Variants in MAN2B2 observed in about 807,000 individuals in gnomAD.
MAN2B2 encodes mannosidase alpha class 2B member 2, also known as epididymis-specific alpha-mannosidase.
Under a neutral mutation model 117.1 loss-of-function variants are expected in MAN2B2, and 106 were observed. The ratio of observed to expected loss-of-function variants is 0.90; its 90% CI spans 0.77 to 1.06. The LOEUF is 1.06. Among genes scored for constraint, MAN2B2 ranks in the 50% least tolerant of loss-of-function variants. MAN2B2 has a pLI of 0.00. For missense variants in MAN2B2, 1,326 were observed against 1,381.4 expected (o/e 0.96, Z 0.64); for synonymous variants, 544 against 595.1 (o/e 0.91, Z 1.25).
At chr4:6,610,657 G>A (rs11940165) in intron 13 of MAN2B2, among the ~76,000 whole-genome samples, 33,132 of 152,134 alleles carry the variant, frequency 0.22, 3,868 homozygotes, top group African/African-American at 0.29. Flanking sequence ...ATGATGCGTG[G>A]CCAGGGCTTG....
chr4:6,580,402 G>C (rs1406792761), intron 3 of MAN2B2, among the ~76,000 whole-genome samples: 1 of 152,206 alleles, frequency 6.6e-6, no homozygotes, highest in Non-Finnish European at 1.5e-5. Context: ...CCCATGTGAA[G>C]TGTGGGCAAG....
chr4:6,593,661 G>A (rs1024496518), intron 6 of MAN2B2, among the ~76,000 whole-genome samples: 7 of 152,238 alleles, frequency 4.6e-5, no homozygotes, highest in East Asian at 3.8e-4. Context: ...AGTTGCCTCC[G>A]CTGTAAAATG....
At chr4:6,614,881 AC>A (rs1245032113) in intron 16 of MAN2B2, among the ~76,000 whole-genome samples, 1 of 152,226 alleles carries the variant, frequency 6.6e-6, no homozygotes, top group African/African-American at 2.4e-5. Flanking sequence ...CAATCAAGTC[AC>A]CAGGCAGTAA....
chr4:6,598,209 T>C lies in MAN2B2; in HGVS notation c.1260T>C (p.His420=). The change falls in exon 9 of 19, where the codon CAT becomes CAC. Residue 420 remains histidine (H), a synonymous_variant. Transcript: ENST00000285599. ...LRWAVSEVQH[H]DAITGTESPK... ...GGGGGTTGCTGCAGGTCCAGCACCA[T>C]GATGCCATCACTGGGACTGAGTCCC... 1.2e-6 allele frequency: 2 copies of C among 1,613,544 alleles called. No individual in the cohort carries two copies. Among genetic ancestry groups the C allele is most frequent in the Non-Finnish European group, 1.7e-6 (2 of 1,179,888 alleles).
chr4:6,575,515 A>G (rs575500861), intron 1 of MAN2B2, among the ~76,000 whole-genome samples, 167 bp downstream of exon 1: 1 of 152,370 alleles, frequency 6.6e-6, no homozygotes, highest in South Asian at 2.1e-4. Flanking sequence ...ACTTCGGGCC[A>G]GTCACTTCCT....
intron 11 of MAN2B2, among the ~76,000 whole-genome samples, chr4:6,606,672 AACCCC>A (rs1041331338): frequency 8.7e-4 from 133 of 152,330 alleles, no homozygotes; most frequent in African/African-American, 3.1e-3. Context: ...GGGCTCCCAA[AACCCC>A]ACCAGGGGTA....
At chr4:6,595,764 T>C (rs1187328270) in intron 7 of MAN2B2, among the ~76,000 whole-genome samples, 2 of 152,204 alleles carry the variant, frequency 1.3e-5, no homozygotes, top group Non-Finnish European at 2.9e-5. Context: ...TCCAAAGAGA[T>C]GCCACAGATG....
At chr4:6,608,980 A>C (rs1007218431) in intron 11 of MAN2B2, 127 bp from the exon 12 acceptor site, 5 of 775,032 alleles carry the variant, frequency 6.5e-6, no homozygotes, top group Non-Finnish European at 1.0e-5. Context: ...AGATGAGCTG[A>C]GTCACATGGC....
chr4:6,610,836 GC>G (rs1448552615), intron 13 of MAN2B2, 43 bp from the exon 14 acceptor site: 1 of 1,563,752 alleles, frequency 6.4e-7, no homozygotes, highest in Non-Finnish European at 8.8e-7. Flanking sequence ...GACCTACCTT[GC>G]CCTTTGCCCC....
At chr4:6,601,506 A>G (rs1472246425) in intron 10 of MAN2B2, among the ~76,000 whole-genome samples, 2 of 151,900 alleles carry the variant, frequency 1.3e-5, no homozygotes, top group African/African-American at 4.8e-5. Context: ...ATCTCAAAAA[A>G]AAAAAAAAAA....
chr4:6,579,349 TCACCAC>T (rs1577270335), intron 3 of MAN2B2, among the ~76,000 whole-genome samples: 3 of 35,904 alleles, frequency 8.4e-5, no homozygotes, highest in African/African-American at 1.1e-4. Flanking sequence ...ACCATCACCA[TCACCAC>T]CACCATCACC....
intron 11 of MAN2B2, among the ~76,000 whole-genome samples, chr4:6,606,765 C>T (rs1424735249): frequency 2.0e-5 from 3 of 152,150 alleles, no homozygotes; most frequent in Admixed American, 6.5e-5. Flanking sequence ...CATCGGGAGA[C>T]GACACCTGGG....
chr4:6,577,206 C>G lies in MAN2B2; in HGVS notation c.285+482C>G, dbSNP rs76792735. On this transcript the variant is annotated intron_variant, in intron 2 of 18. Transcript: ENST00000285599. ...TCAGAGTCCCCGCTGCACAGTGAGG[C>G]AGCCTGGGTCCCATCCTGCTCCCGC... Among the ~76,000 whole-genome samples, 1,155 of 152,300 alleles carry G rather than the reference C, an allele frequency of 7.6e-3. 17 individuals carry two copies. Among genetic ancestry groups the G allele is most frequent in the African/African-American group, 0.026 (1,083 of 41,558 alleles).
At chr4:6,579,204 T>TCAC (rs1560634680) in intron 3 of MAN2B2, among the ~76,000 whole-genome samples, 56 of 25,674 alleles carry the variant, frequency 2.2e-3, no homozygotes, top group Non-Finnish European at 3.4e-3. Flanking sequence ...ACCACCACCA[T>TCAC]CACCATCACC....
chr4:6,609,348 C>G (rs771444833), intron 12 of MAN2B2, 50 bp downstream of exon 12: 1 of 1,558,728 alleles, frequency 6.4e-7, no homozygotes, highest in East Asian at 2.3e-5. Context: ...TCAGCGCACG[C>G]GTGCAGGCAG....
Position 6,622,198 on chromosome 4 carries a change from A to C in MAN2B2, c.*913A>C, listed in dbSNP as rs1460238122. 2.6e-5 allele frequency: 4 copies of C among 152,254 alleles called. No homozygotes were observed. The highest frequency in any genetic ancestry group is 9.6e-5 in the African/African-American group (4 of 41,468). 9.4% of individuals were successfully genotyped at this position (152,254 alleles called of 1,614,324 possible). A position where few individuals can be genotyped will look rare whatever the true frequency, so the allele number is the denominator to read the frequency against. ...CGCTAAGTGAAAGAAGCCAATCACG[A>C]GTTTATGTGAAATGTCCAGAATAGG... On this transcript the variant is annotated 3_prime_UTR_variant, in exon 19 of 19. Transcript: ENST00000285599.
intron 6 of MAN2B2, among the ~76,000 whole-genome samples, chr4:6,593,651 A>T (rs10804982): frequency 6.6e-6 from 1 of 152,032 alleles, no homozygotes; most frequent in African/African-American, 2.4e-5. Flanking sequence ...ATTGAGCTTC[A>T]GTTGCCTCCG....
At chr4:6,585,510 TATGGTGACTCTTA>T (rs1256766197) in intron 3 of MAN2B2, among the ~76,000 whole-genome samples, 1 of 152,228 alleles carries the variant, frequency 6.6e-6, no homozygotes, top group East Asian at 1.9e-4. Flanking sequence ...TCTGGTTCAC[TATGGTGACTCTTA>T]AGTAATAAAT....
At chr4:6,577,467 A>C (rs1363225296) in intron 2 of MAN2B2, among the ~76,000 whole-genome samples, 3 of 152,168 alleles carry the variant, frequency 2.0e-5, no homozygotes, top group Admixed American at 2.0e-4. Flanking sequence ...GAGAAGGGAG[A>C]GCAGGGCGTC....
Sources: gnomAD v4.1 joint callset for allele counts (sites outside exome capture counted in the v4.1 genomes callset) on GRCh38, gnomAD v4.1.1 for gene constraint, MANE v1.5 for transcripts, NCBI Gene and HGNC (gene_info 2026-07-23, HGNC 2026-07-21) for gene names.